The following CHD1 variants were observed in gnomAD, a reference collection of about 807,000 sequenced individuals.
The protein encoded by CHD1 is ATP-dependent chromatin remodeler CHD1.
In CHD1, 36 loss-of-function variants were observed where a neutral mutation model predicts 224.2. That is an observed-to-expected ratio of 0.16 (90% CI 0.12 to 0.21). The LOEUF (loss-of-function observed/expected upper bound fraction) is 0.21. Among genes scored for constraint, CHD1 ranks in the 10% least tolerant of loss-of-function variants. The probability of loss-of-function intolerance (pLI) is 1.00; values close to 1 mark genes in which losing one functional copy is unlikely to be tolerated. For synonymous variants in CHD1, 668 were observed against 658.3 expected (o/e 1.01, Z -0.23); for missense variants, 1,378 against 1,994.8 (o/e 0.69, Z 5.89).
intron 2 of CHD1, among the ~76,000 whole-genome samples, chr5:98,923,882 C>T (rs1375897687): frequency 1.3e-5 from 2 of 152,192 alleles, no homozygotes; most frequent in African/African-American, 4.8e-5. Context: ...CGAGTCTTAT[C>T]TCCTATTTTA....
chr5:98,889,392 T>G (rs995569690), intron 15 of CHD1, among the ~76,000 whole-genome samples, 154 bp from the exon 16 acceptor site: 2 of 152,186 alleles, frequency 1.3e-5, no homozygotes, highest in Non-Finnish European at 2.9e-5. Context: ...GGACCAAACC[T>G]CTTTCATAAT....
rs753673623 is a variant in CHD1 at position 98,896,319 on chromosome 5, G to A, written c.1617C>T (p.Leu539=). 13 of 1,613,818 alleles carry A rather than the reference G, an allele frequency of 8.1e-6. No homozygotes were observed. In the African/African-American group the frequency reaches 1.7e-4, roughly 22 times the overall value. The change falls in exon 12 of 36, where the codon CTC becomes CTT. Residue 539 remains leucine, a synonymous_variant. Transcript: ENST00000614616. ...LYGPFLLVVP[L]STLTSWQREI... ...CCCTTTGCCAGGAAGTAAGAGTGGA[G>A]AGCGGTACTACCAATAAAAAAGGTC...
In CHD1 at chr5:98,928,692, G is replaced by C. The variant is rs1353146574; in HGVS notation, c.-302C>G. ...GGGGGAAGGGGACAGACGCGGAGGG[G>C]AAGGGGAAGCCCCGGTCCGCAGCAC... is the stretch of plus-strand genomic sequence containing the variant. On this transcript the variant is annotated 5_prime_UTR_variant, in exon 1 of 36. Coordinates refer to ENST00000614616, the MANE Select transcript of CHD1 (RefSeq NM_001270.4). 5 of 153,394 alleles carry C rather than the reference G, an allele frequency of 3.3e-5. No individual in the cohort carries two copies. The highest frequency in any genetic ancestry group is 1.3e-4 in the Admixed American group (2 of 15,278). The allele number at this position is 153,394 out of a possible 1,614,324, so 9.5% of individuals were successfully genotyped here.
chr5:98,900,982 T>C lies in CHD1; in HGVS notation c.688A>G (p.Arg230Gly), dbSNP rs771338840. Residue 230 changes from arginine to glycine, a missense_variant, in exon 7 of 36, where the codon AGA (arginine) becomes GGA (glycine). Arg to Gly is a moderately radical substitution (Grantham distance 125). Around this residue, in one of 16 missense-constraint regions of CHD1, gnomAD observed 306 missense variants for 298.1 expected, o/e 1.03. Transcript: ENST00000614616. ...ACAGTTGCTTGGCGACGAGAACTTC[T>C]TTTATCATTATCATAATCTTCTTCA... is the stretch of plus-strand genomic sequence containing the variant. ...DDEEDYDNDKRSSRRQATVNV... is the reference protein window; with the variant it reads ...DDEEDYDNDKGSSRRQATVNV... 1.2e-6 allele frequency: 2 copies of C among 1,614,066 alleles called. No individual in the cohort carries two copies.
At chr5:98,893,172 T>C (rs1177225216) in intron 14 of CHD1, among the ~76,000 whole-genome samples, 12 of 152,194 alleles carry the variant, frequency 7.9e-5, no homozygotes. Context: ...ACAAGGTATA[T>C]TTTGAAAATG....
At chr5:98,919,159 T>C (rs558029313) in intron 2 of CHD1, among the ~76,000 whole-genome samples, 8 of 152,320 alleles carry the variant, frequency 5.3e-5, no homozygotes, top group African/African-American at 1.7e-4. Context: ...CTTATTAAAA[T>C]GGAAATTCTG....
At chr5:98,902,835 G>T in intron 5 of CHD1, 65 bp downstream of exon 5, 1 of 1,038,980 alleles carries the variant, frequency 9.6e-7, no homozygotes, top group South Asian at 1.5e-5. Context: ...TTTTCATAAA[G>T]AAAGAAATAT....
Position 98,892,584 on chromosome 5 carries a change from A to G in CHD1, c.2121T>C (p.Pro707=). 1 of 1,613,912 alleles carries G rather than the reference A, an allele frequency of 6.2e-7. No homozygotes were observed. The highest frequency in any genetic ancestry group is 8.5e-7 in the Non-Finnish European group (1 of 1,179,850). ...RVKKDVEKSL[P]AKVEQILRME... ...TTCTTAAAATCTGCTCAACCTTGGC[A>G]GGAAGAGATTTTTCCACATCTTTCT... The change falls in exon 15 of 36, where the codon CCT becomes CCC. Residue 707 remains proline, a synonymous_variant. Transcript: ENST00000614616.
At chr5:98,920,538 T>C (rs1391871367) in intron 2 of CHD1, among the ~76,000 whole-genome samples, 1 of 152,222 alleles carries the variant, frequency 6.6e-6, no homozygotes, top group Admixed American at 6.5e-5. Context: ...CTCACACACC[T>C]GTAATCCCAA....
chr5:98,893,664 C>T (rs1321752401), intron 13 of CHD1, 58 bp from the exon 14 acceptor site: 7 of 1,030,264 alleles, frequency 6.8e-6, no homozygotes, highest in Non-Finnish European at 5.7e-6. Context: ...ATTTAGCCTT[C>T]CCATTTAATC....
At position 98,896,343 on chromosome 5, in the gene CHD1, T is replaced by C. The variant is rs1751343407; in HGVS notation, c.1593A>G (p.Gly531=). The C allele has an allele frequency of 3.1e-6, 5 of 1,613,802 alleles. No individual in the cohort carries two copies. The highest frequency in any genetic ancestry group is 4.2e-6 in the Non-Finnish European group (5 of 1,179,768). ...AGAGCGGTACTACCAATAAAAAAGG[T>C]CCATATAATTGATGTTCATGAAACA... ...NYLFHEHQLY[G]PFLLVVPLST... The change falls in exon 12 of 36, where the codon GGA becomes GGG. Residue 531 remains glycine, a synonymous_variant. Transcript: ENST00000614616.
chr5:98,870,628 A>G (rs918028845), intron 29 of CHD1, 59 bp downstream of exon 29: 1 of 934,436 alleles, frequency 1.1e-6, no homozygotes, highest in Non-Finnish European at 1.6e-6. Flanking sequence ...ATGGTGAAGT[A>G]AACAAAATTT....
intron 18 of CHD1, 69 bp from the exon 19 acceptor site, chr5:98,883,306 CTAAT>C: frequency 2.0e-6 from 2 of 1,023,326 alleles, no homozygotes; most frequent in Non-Finnish European, 2.8e-6. Flanking sequence ...CAGTATGGTA[CTAAT>C]TAAACAGAAA....
intron 32 of CHD1, 99 bp downstream of exon 32, chr5:98,863,309 T>A (rs1239046931): frequency 1.5e-6 from 1 of 664,714 alleles, no homozygotes; most frequent in Non-Finnish European, 2.3e-6. Flanking sequence ...TTAAAAATTA[T>A]CTTGTTACCT....
At chr5:98,865,653 G>C (rs1748805839) in intron 31 of CHD1, among the ~76,000 whole-genome samples, 2 of 152,134 alleles carry the variant, frequency 1.3e-5, no homozygotes, top group Non-Finnish European at 2.9e-5. Flanking sequence ...GGAAAATCAA[G>C]GTGCCAAATG....
At chr5:98,868,333 A>G (rs79266913) in intron 31 of CHD1, among the ~76,000 whole-genome samples, 162 bp downstream of exon 31, 3 of 136,602 alleles carry the variant, frequency 2.2e-5, no homozygotes, top group Non-Finnish European at 4.6e-5. Flanking sequence ...TCAAAAAAGA[A>G]AAAAAAAAAA....
At chr5:98,874,226 A>G (rs530784160) in intron 25 of CHD1, among the ~76,000 whole-genome samples, 7 of 152,318 alleles carry the variant, frequency 4.6e-5, no homozygotes, top group African/African-American at 1.7e-4. Context: ...GAGTAAAAAA[A>G]TAAACTAATT....
At position 98,855,417 on chromosome 5, in the gene CHD1, A is replaced by G. The variant is rs904475682; in HGVS notation, c.*963T>C. 6.6e-6 allele frequency: 1 copy of G among 152,518 alleles called. No individual in the cohort carries two copies. The highest frequency in any genetic ancestry group is 1.5e-5 in the Non-Finnish European group (1 of 67,986). 9.4% of individuals were successfully genotyped at this position (152,518 alleles called of 1,614,324 possible). ...GATTCTGAAAAGTGTTTATACACCTACCCTTTTAAACCAGATGCATCTGAA... is the reference window on the plus strand; with the variant it reads ...GATTCTGAAAAGTGTTTATACACCTGCCCTTTTAAACCAGATGCATCTGAA... On this transcript the variant is annotated 3_prime_UTR_variant, in exon 36 of 36. Coordinates refer to ENST00000614616, the MANE Select transcript of CHD1 (RefSeq NM_001270.4).
chr5:98,900,766 A>G, intron 7 of CHD1, 45 bp downstream of exon 7: 1 of 1,548,088 alleles, frequency 6.5e-7, no homozygotes, highest in Non-Finnish European at 8.8e-7. Context: ...ACTCCTGTAA[A>G]TATTATTTAA....
Sources: gnomAD v4.1 joint callset for allele counts (sites outside exome capture counted in the v4.1 genomes callset) on GRCh38, gnomAD v4.1.1 for gene constraint, gnomAD v4.1.1 regional missense constraint, MANE v1.5 for transcripts, NCBI Gene and HGNC (gene_info 2026-07-23, HGNC 2026-07-21) for gene names.